Variants in ZC3H6 observed in about 807,000 individuals in gnomAD.
The protein encoded by ZC3H6 is zinc finger CCCH-type containing 6.
In ZC3H6, 40 loss-of-function variants were observed where a neutral mutation model predicts 107.7. The ratio of observed to expected loss-of-function variants is 0.37; its 90% CI spans 0.29 to 0.48. ZC3H6 has a LOEUF of 0.48. Ranked by LOEUF, ZC3H6 falls within the 20% of genes least tolerant of loss-of-function variation. The probability of loss-of-function intolerance (pLI) is 0.98; values close to 1 mark genes in which losing one functional copy is unlikely to be tolerated. For synonymous variants in ZC3H6, 493 were observed against 487.9 expected, an observed-to-expected ratio of 1.01 and a Z score of -0.14; for missense variants, 1,267 against 1,410.4, an observed-to-expected ratio of 0.90 and a Z score of 1.63.
rs779663160 is a variant in ZC3H6, at chr2:112,331,371, A to G, written c.2453A>G (p.His818Arg). 33 of 1,613,716 alleles carry G rather than the reference A, an allele frequency of 2.0e-5. No individual in the cohort carries two copies. In the East Asian group the frequency reaches 7.1e-4, roughly 35 times the overall value. ...GCAAATGCTGGCACTAATGTCAAAC[A>G]CAAAAGAGGCGATGATGATGATGAA... ...HHANAGTNVK[H>R]KRGDDDDEDT... The change falls in exon 12 of 12, where the codon CAC (histidine) becomes CGC (arginine). Residue 818 changes from histidine to arginine, a missense_variant. Physicochemically the swap from His to Arg is conservative, Grantham distance 29 (BLOSUM62 0). Transcript: ENST00000409871.
chr2:112,299,044 G>A (rs1338505547), intron 1 of ZC3H6, among the ~76,000 whole-genome samples: 2 of 152,032 alleles, frequency 1.3e-5, no homozygotes, highest in Non-Finnish European at 2.9e-5. Context: ...TTGGGAGGCC[G>A]AGGCAGGCAG....
At chr2:112,289,305 A>AC (rs200080438) in intron 1 of ZC3H6, among the ~76,000 whole-genome samples, 22 of 136,756 alleles carry the variant, frequency 1.6e-4, no homozygotes, top group Non-Finnish European at 1.6e-4. Context: ...GGCCCTGAAC[A>AC]CTTTTTTTTT....
At chr2:112,290,350 T>C (rs374287644) in intron 1 of ZC3H6, among the ~76,000 whole-genome samples, 1 of 152,202 alleles carries the variant, frequency 6.6e-6, no homozygotes, top group East Asian at 1.9e-4. Context: ...CCCTTCCCCA[T>C]CCCCTATCTC....
At chr2:112,314,980 G>C (rs1676669863) in intron 5 of ZC3H6, among the ~76,000 whole-genome samples, 1 of 152,156 alleles carries the variant, frequency 6.6e-6, no homozygotes, top group African/African-American at 2.4e-5. Context: ...CTGGGGATCA[G>C]ATTTCAATTT....
intron 1 of ZC3H6, among the ~76,000 whole-genome samples, chr2:112,284,627 C>T (rs1290803087): frequency 1.3e-5 from 2 of 151,480 alleles, no homozygotes; most frequent in Non-Finnish European, 2.9e-5. Context: ...AATTGAGGGT[C>T]ACTTTCCACT....
chr2:112,307,616 G>A (rs934352252), intron 3 of ZC3H6, among the ~76,000 whole-genome samples: 25 of 152,058 alleles, frequency 1.6e-4, no homozygotes, highest in African/African-American at 2.9e-4. Context: ...CTAGAAAAGC[G>A]GGGCTGCTCT....
At position 112,333,502 on chromosome 2, in the gene ZC3H6, C is replaced by T. The variant is rs1045583931; in HGVS notation, c.*1014C>T. Reference sequence around the variant, plus strand: ...TAAAGAATCTCTTTAAGATCTCACCCGGCTGGCATTCTGTAACAGAGGGGA... The same window carrying T: ...TAAAGAATCTCTTTAAGATCTCACCTGGCTGGCATTCTGTAACAGAGGGGA... On this transcript the variant is annotated 3_prime_UTR_variant, in exon 12 of 12. Coordinates refer to ENST00000409871, the MANE Select transcript of ZC3H6 (RefSeq NM_198581.3). 5.9e-5 allele frequency: 9 copies of T among 152,200 alleles called. No individual in the cohort carries two copies. Among genetic ancestry groups the T allele is most frequent in the East Asian group, 3.8e-4 (2 of 5,206 alleles). 9.4% of individuals were successfully genotyped at this position (152,200 alleles called of 1,614,324 possible). A position where few individuals can be genotyped will look rare whatever the true frequency, so the allele number is the denominator to read the frequency against.
intron 1 of ZC3H6, among the ~76,000 whole-genome samples, chr2:112,278,025 A>G (rs899600417): frequency 1.3e-5 from 2 of 152,182 alleles, no homozygotes; most frequent in Non-Finnish European, 2.9e-5. Flanking sequence ...GAGAACCGCT[A>G]TACTCGATCA....
chr2:112,278,979 A>G (rs1375744231), intron 1 of ZC3H6, among the ~76,000 whole-genome samples: 2 of 152,176 alleles, frequency 1.3e-5, no homozygotes, highest in Non-Finnish European at 2.9e-5. Flanking sequence ...GAATAATTTA[A>G]AAAAAATCCA....
At chr2:112,282,919 G>A (rs1326347448) in intron 1 of ZC3H6, among the ~76,000 whole-genome samples, 7 of 152,146 alleles carry the variant, frequency 4.6e-5, no homozygotes, top group Non-Finnish European at 1.5e-5. Context: ...CTTTCTCCTG[G>A]TTGATGCTTA....
chr2:112,305,872 G>T (rs1463624935), intron 3 of ZC3H6, among the ~76,000 whole-genome samples: 1 of 152,114 alleles, frequency 6.6e-6, no homozygotes, highest in Non-Finnish European at 1.5e-5. Context: ...AGATTCCCCA[G>T]TTAACGTTTT....
chr2:112,320,196 G>A (rs557136157), intron 7 of ZC3H6, among the ~76,000 whole-genome samples: 1 of 152,346 alleles, frequency 6.6e-6, no homozygotes, highest in Non-Finnish European at 1.5e-5. Context: ...GCCTCCCAAA[G>A]TGCTGGGATT....
At chr2:112,288,602 T>A (rs1157095952) in intron 1 of ZC3H6, among the ~76,000 whole-genome samples, 1 of 152,216 alleles carries the variant, frequency 6.6e-6, no homozygotes, top group African/African-American at 2.4e-5. Context: ...AACACAGATC[T>A]TTCTGGTTCT....
At position 112,335,199 on chromosome 2, in the gene ZC3H6, T is replaced by A. The variant is rs2104730939; in HGVS notation, c.*2711T>A. 1 of 152,332 alleles carries A rather than the reference T, an allele frequency of 6.6e-6. No individual in the cohort carries two copies. The highest frequency in any genetic ancestry group is 2.1e-4 in the South Asian group (1 of 4,826). 9.4% of individuals were successfully genotyped at this position (152,332 alleles called of 1,614,324 possible). On this transcript the variant is annotated 3_prime_UTR_variant, in exon 12 of 12. Coordinates refer to ENST00000409871, the MANE Select transcript of ZC3H6 (RefSeq NM_198581.3). ...TGATTTCAAACTCTATTTCAACAAT[T>A]GGGTCTGTTTCTATATGGACCCTCT... is the stretch of plus-strand genomic sequence containing the variant.
intron 5 of ZC3H6, 120 bp from the exon 6 acceptor site, chr2:112,316,350 G>A (rs1676695022): frequency 4.6e-6 from 3 of 654,378 alleles, no homozygotes; most frequent in Non-Finnish European, 8.0e-6. Flanking sequence ...GCATCAGAAT[G>A]TTCAATCTTG....
rs1407981853 is a variant in ZC3H6, at chr2:112,335,540, T to G, written c.*3052T>G. The G allele has an allele frequency of 6.6e-6, 1 of 152,144 alleles. No individual in the cohort carries two copies. Among genetic ancestry groups the G allele is most frequent in the Non-Finnish European group, 1.5e-5 (1 of 68,022 alleles). The allele number at this position is 152,144 out of a possible 1,614,324, so 9.4% of individuals were successfully genotyped here. ...ATATCAGTATCTAGTTGCTTATCTG[T>G]GAAATTGGGTTAATTTTTATTGATC... is the stretch of plus-strand genomic sequence containing the variant. On this transcript the variant is annotated 3_prime_UTR_variant, in exon 12 of 12. Coordinates refer to ENST00000409871, the MANE Select transcript of ZC3H6 (RefSeq NM_198581.3).
At chr2:112,299,302 C>G (rs1676316087) in intron 1 of ZC3H6, among the ~76,000 whole-genome samples, 1 of 150,760 alleles carries the variant, frequency 6.6e-6, no homozygotes, top group African/African-American at 2.4e-5. Flanking sequence ...AATTTAAGAA[C>G]TGTATGCATA....
At chr2:112,318,356 A>G (rs984687405) in intron 7 of ZC3H6, among the ~76,000 whole-genome samples, 2 of 152,222 alleles carry the variant, frequency 1.3e-5, no homozygotes, top group African/African-American at 4.8e-5. Flanking sequence ...CATGAGCTAA[A>G]TAATAAGATA....
rs776402119 is a variant in ZC3H6 at position 112,310,182 on chromosome 2, T to C, written c.613+21T>C. On this transcript the variant is annotated intron_variant, in intron 4 of 11. Coordinates refer to ENST00000409871, the MANE Select transcript of ZC3H6 (RefSeq NM_198581.3). The stretch of plus-strand genomic sequence containing the variant: ...GCAAGGTAAGTTTGAAATTACAGTC[T>C]GTCTTAGAATGTGAGAACCTTATTA... 5 of 1,598,314 alleles carry C rather than the reference T, an allele frequency of 3.1e-6. No individual in the cohort carries two copies. The South Asian group carries it at 5.6e-5, about 18-fold the overall frequency.
Sources: gnomAD v4.1 joint callset for allele counts (sites outside exome capture counted in the v4.1 genomes callset) on GRCh38, gnomAD v4.1.1 for gene constraint, MANE v1.5 for transcripts, NCBI Gene and HGNC (gene_info 2026-07-23, HGNC 2026-07-21) for gene names.